Variants in SLC31A1 observed in about 807,000 individuals in gnomAD.
SLC31A1 encodes the protein high affinity copper uptake protein 1.
SLC31A1 carries 5 observed loss-of-function variants against 17.2 expected under a neutral mutation model. That is an observed-to-expected ratio of 0.29 (90% CI 0.15 to 0.61). The LOEUF (loss-of-function observed/expected upper bound fraction) is 0.61, where lower values mean the gene tolerates loss of function less well. SLC31A1 is among the 20% of genes least tolerant of loss of function. SLC31A1 has a pLI of 0.86. For synonymous variants in SLC31A1, 76 were observed against 78.8 expected, an observed-to-expected ratio of 0.96 and a Z score of 0.19; for missense variants, 161 against 241.4, an observed-to-expected ratio of 0.67 and a Z score of 2.21.
intron 2 of SLC31A1, chr9:113,256,515 C>A: frequency 2.4e-6 from 1 of 421,834 alleles, no homozygotes; most frequent in South Asian, 3.3e-5. Context: ...CTGAAATCGA[C>A]TCTTTTCTGA....
chr9:113,223,887 G>C (rs377014760), intron 1 of SLC31A1, among the ~76,000 whole-genome samples: 1 of 152,172 alleles, frequency 6.6e-6, no homozygotes, highest in South Asian at 2.1e-4. Context: ...GGTTCTAGGG[G>C]ATCTATAACA....
chr9:113,238,860 T>A (rs1831491851), intron 1 of SLC31A1, among the ~76,000 whole-genome samples: 1 of 152,206 alleles, frequency 6.6e-6, no homozygotes, highest in Non-Finnish European at 1.5e-5. Context: ...TCGAGTTTGT[T>A]TAGATCACTG....
intron 1 of SLC31A1, among the ~76,000 whole-genome samples, chr9:113,226,668 A>G (rs990388464): frequency 6.6e-6 from 1 of 152,156 alleles, no homozygotes; most frequent in Non-Finnish European, 1.5e-5. Flanking sequence ...GGCTTAGGAC[A>G]TTATGAAATA....
Position 113,260,170 on chromosome 9 carries a change from G to C in SLC31A1, c.372-102G>C, listed in dbSNP as rs2233918. 2,785 of 977,816 alleles carry C rather than the reference G, an allele frequency of 2.8e-3. 57 individuals carry two copies. The African/African-American group carries it at 0.039, about 14-fold the overall frequency. 60.6% of individuals were successfully genotyped at this position (977,816 alleles called of 1,614,324 possible). ...GTACCCATGAGTTGCCAGAGTGGCT[G>C]TCCAGTTCCAGCTGAGCTCATGGCA... On this transcript the variant is annotated intron_variant, in intron 4 of 4. Coordinates refer to ENST00000374212, the MANE Select transcript of SLC31A1 (RefSeq NM_001859.4).
In SLC31A1 at chr9:113,258,889, G is replaced by A; in HGVS notation, c.371+27G>A. 1 of 1,612,370 alleles carries A rather than the reference G, an allele frequency of 6.2e-7. No individual in the cohort carries two copies. Among genetic ancestry groups the A allele is most frequent in the Non-Finnish European group, 8.5e-7 (1 of 1,178,400 alleles). On this transcript the variant is annotated intron_variant, in intron 4 of 4. Coordinates refer to ENST00000374212, the MANE Select transcript of SLC31A1 (RefSeq NM_001859.4). This position sits in a 1 kb window ranked among gnomAD's most constrained non-coding sequence, Gnocchi z 4.8. ...TAAGAACTGAACAGATCCAGATGAAGTCCTAAAGAACTCGATCAGTTAAGC... is the reference window on the plus strand; with the variant it reads ...TAAGAACTGAACAGATCCAGATGAAATCCTAAAGAACTCGATCAGTTAAGC...
intron 1 of SLC31A1, among the ~76,000 whole-genome samples, chr9:113,227,045 T>C (rs990536811): frequency 2.0e-5 from 3 of 152,180 alleles, no homozygotes; most frequent in Admixed American, 6.5e-5. Flanking sequence ...GGGTTTCTTA[T>C]GGTTAGAGTT....
At position 113,256,028 on chromosome 9, in the gene SLC31A1, T is replaced by A. The variant is rs148147789; in HGVS notation, c.-35-86T>A. ...CCATTGCATTCCAGCCTGGGCAACA[T>A]AGCAAGATTCCATCTCTAAAAATAA... On this transcript the variant is annotated intron_variant, in intron 1 of 4. Coordinates refer to ENST00000374212, the MANE Select transcript of SLC31A1 (RefSeq NM_001859.4). 6 of 1,029,782 alleles carry A rather than the reference T, an allele frequency of 5.8e-6. No individual in the cohort carries two copies. In the African/African-American group the frequency reaches 9.7e-5, roughly 17 times the overall value. The allele number at this position is 1,029,782 out of a possible 1,614,324, so 63.8% of individuals were successfully genotyped here. A position where few individuals can be genotyped will look rare whatever the true frequency, so the allele number is the denominator to read the frequency against.
At chr9:113,252,954 CTTT>C (rs369221979) in intron 1 of SLC31A1, among the ~76,000 whole-genome samples, 2 of 105,510 alleles carry the variant, frequency 1.9e-5, no homozygotes, top group Non-Finnish European at 1.8e-5. Context: ...TTCTTTTTTT[CTTT>C]TTTTTTTTTT....
chr9:113,225,531 G>A (rs1305400872), intron 1 of SLC31A1, among the ~76,000 whole-genome samples: 2 of 152,114 alleles, frequency 1.3e-5, no homozygotes, highest in African/African-American at 2.4e-5. Flanking sequence ...GTGAAGGCAT[G>A]GTAAACACCA....
At chr9:113,227,478 TCCTGA>T (rs1831354465) in intron 1 of SLC31A1, 1 of 152,216 alleles carries the variant, frequency 6.6e-6, no homozygotes, top group South Asian at 2.1e-4. Flanking sequence ...GGTCTCAAAC[TCCTGA>T]GCTTAAGCAG....
chr9:113,235,613 T>C (rs1170999724), intron 1 of SLC31A1, among the ~76,000 whole-genome samples: 5 of 152,178 alleles, frequency 3.3e-5, no homozygotes, highest in Non-Finnish European at 5.9e-5. Context: ...CTGTGTATGA[T>C]TTTAGAAGTC....
At chr9:113,235,517 C>T (rs1479678379) in intron 1 of SLC31A1, among the ~76,000 whole-genome samples, 5 of 152,180 alleles carry the variant, frequency 3.3e-5, no homozygotes, top group Admixed American at 2.6e-4. Context: ...GGATGAACCT[C>T]CCAAAAATTA....
chr9:113,253,575 A>C (rs1427684907), intron 1 of SLC31A1, among the ~76,000 whole-genome samples: 1 of 138,028 alleles, frequency 7.2e-6, no homozygotes, highest in African/African-American at 2.7e-5. Context: ...TTTTTTTTGA[A>C]ATGGAGTCTT....
intron 1 of SLC31A1, among the ~76,000 whole-genome samples, chr9:113,221,979 C>G (rs1161754281): frequency 6.6e-6 from 1 of 152,180 alleles, no homozygotes; most frequent in East Asian, 1.9e-4. Flanking sequence ...ATTTCAATCC[C>G]GGCCTCCTCG....
At position 113,228,329 on chromosome 9, in the gene SLC31A1, G is replaced by A. The variant is rs114973084; in HGVS notation, c.-36+6651G>A. On this transcript the variant is annotated intron_variant, in intron 1 of 4. Coordinates refer to ENST00000374212, the MANE Select transcript of SLC31A1 (RefSeq NM_001859.4). ...AGAGGAGCATGAAAGGGTGCATCAT[G>A]TGATTACATTATTCCAGGATGTGGC... Among the ~76,000 whole-genome samples, 247 of 152,366 alleles carry A rather than the reference G, an allele frequency of 1.6e-3. 1 individual carries two copies. Among genetic ancestry groups the A allele is most frequent in the African/African-American group, 5.7e-3 (238 of 41,586 alleles).
At chr9:113,242,196 A>G (rs1021703471) in intron 1 of SLC31A1, among the ~76,000 whole-genome samples, 1 of 152,242 alleles carries the variant, frequency 6.6e-6, no homozygotes, top group Non-Finnish European at 1.5e-5. Flanking sequence ...CTCAAAAAAA[A>G]AAAACTAGAC....
At chr9:113,248,281 G>C (rs1228622862) in intron 1 of SLC31A1, among the ~76,000 whole-genome samples, 2 of 151,832 alleles carry the variant, frequency 1.3e-5, no homozygotes, top group African/African-American at 4.8e-5. Context: ...CTGAGATTGT[G>C]CCACTGCACT....
At chr9:113,257,214 G>T (rs1178563812) in intron 3 of SLC31A1, 29 bp downstream of exon 3, 1 of 1,579,356 alleles carries the variant, frequency 6.3e-7, no homozygotes, top group Non-Finnish European at 8.7e-7. Flanking sequence ...AGTGTTGGAA[G>T]GTGATAGTCA....
intron 1 of SLC31A1, among the ~76,000 whole-genome samples, chr9:113,250,597 G>A (rs1831639056): frequency 6.7e-6 from 1 of 150,094 alleles, no homozygotes; most frequent in African/African-American, 2.5e-5. Flanking sequence ...GTTAGTGGGT[G>A]CAGTGCACCA....
Sources: allele counts gnomAD v4.1 joint callset (sites outside exome capture counted in the v4.1 genomes callset), GRCh38; gene constraint gnomAD v4.1.1; non-coding constraint Gnocchi (gnomAD v3.1); transcripts MANE v1.5; gene names NCBI Gene and HGNC (gene_info 2026-07-23, HGNC 2026-07-21).